Variants in RGS9 observed in about 807,000 individuals in gnomAD.
The protein encoded by RGS9 is regulator of G-protein signalling 9.
A neutral mutation model predicts 102.0 loss-of-function variants in RGS9; 78 were observed. The observed-to-expected ratio is 0.76, with a 90% CI of 0.64 to 0.92. The LOEUF (loss-of-function observed/expected upper bound fraction) is 0.92, where lower values mean the gene tolerates loss of function less well. RGS9 is among the 40% of genes least tolerant of loss of function. The pLI, the probability that RGS9 is intolerant of heterozygous loss-of-function variation, is 0.00. For missense variants in RGS9, 833 were observed against 866.1 expected (o/e 0.96, Z 0.48); for synonymous variants, 353 against 318.6 (o/e 1.11, Z -1.15).
intron 2 of RGS9, among the ~76,000 whole-genome samples, chr17:65,156,030 A>T (rs1910755516): frequency 6.7e-6 from 1 of 150,230 alleles, no homozygotes; most frequent in Non-Finnish European, 1.5e-5. Flanking sequence ...ATTTTTACTT[A>T]TACTTTTTTT....
At chr17:65,174,575 G>A (rs1911549686) in intron 8 of RGS9, among the ~76,000 whole-genome samples, 1 of 151,634 alleles carries the variant, frequency 6.6e-6, no homozygotes, top group Non-Finnish European at 1.5e-5. Context: ...GTGAGTGTGA[G>A]TGTGCATATG....
At chr17:65,165,314 C>T (rs1376069990) in intron 7 of RGS9, among the ~76,000 whole-genome samples, 1 of 152,220 alleles carries the variant, frequency 6.6e-6, no homozygotes, top group Non-Finnish European at 1.5e-5. Context: ...ACATTCCCCT[C>T]TTTCATTCTT....
Position 65,170,451 on chromosome 17 carries a change from T to C in RGS9, c.582+2170T>C, listed in dbSNP as rs542608957. ...GCAAGTGAAAGCTCAAGGATGCTGC[T>C]AATTTGCCCAAAGTTACACAGCTAG... On this transcript the variant is annotated intron_variant, in intron 8 of 18. Coordinates refer to ENST00000262406, the MANE Select transcript of RGS9 (RefSeq NM_003835.4). Among the ~76,000 whole-genome samples, 49 of 152,324 alleles carry C rather than the reference T, an allele frequency of 3.2e-4. 1 individual carries two copies. In the South Asian group the frequency reaches 9.7e-3, roughly 30 times the overall value.
Position 65,153,441 on chromosome 17 carries a change from A to G in RGS9, c.77A>G (p.Asp26Gly). The change falls in exon 2 of 19, where the codon GAC (aspartate) becomes GGC (glycine). Residue 26 changes from aspartate (D) to glycine (G), a missense_variant. This residue lies in a region of RGS9 where 328 missense variants were observed against 340.6 expected (regional missense o/e 0.96). Coordinates refer to ENST00000262406, the MANE Select transcript of RGS9 (RefSeq NM_003835.4). ...TTGCAGATTGAAGCGCTCGTGAAGG[A>G]CATGCAGAACCCAGAGACAGGGGTC... Reference protein sequence around the residue: ...FLQKIEALVKDMQNPETGVRM... With the variant: ...FLQKIEALVKGMQNPETGVRM... 6.2e-7 allele frequency: 1 copy of G among 1,614,104 alleles called. No individual in the cohort carries two copies. The highest frequency in any genetic ancestry group is 8.5e-7 in the Non-Finnish European group (1 of 1,179,968).
intron 1 of RGS9, among the ~76,000 whole-genome samples, chr17:65,140,927 G>C (rs1910133276): frequency 6.6e-6 from 1 of 151,904 alleles, no homozygotes; most frequent in Non-Finnish European, 1.5e-5. Flanking sequence ...AGAGGAATGG[G>C]TGGAATGCCT....
intron 1 of RGS9, among the ~76,000 whole-genome samples, chr17:65,139,533 CACTT>C (rs111576160): frequency 0.067 from 10,123 of 152,130 alleles, 1,042 homozygotes; most frequent in African/African-American, 0.22. Flanking sequence ...CTGCCTCAAA[CACTT>C]CCTTCCTTTT....
At chr17:65,144,344 G>A (rs1042856978) in intron 1 of RGS9, among the ~76,000 whole-genome samples, 1 of 152,190 alleles carries the variant, frequency 6.6e-6, no homozygotes, top group Non-Finnish European at 1.5e-5. Context: ...GTGAGGAGCA[G>A]CGTGGGCGTG....
chr17:65,210,219 C>T (rs935564664), intron 16 of RGS9, among the ~76,000 whole-genome samples: 1 of 152,212 alleles, frequency 6.6e-6, no homozygotes, highest in Non-Finnish European at 1.5e-5. Context: ...TTTCTACATA[C>T]TGTAGAAGTT....
At chr17:65,177,324 GCCATCCATCCAT>G (rs1247412110) in intron 8 of RGS9, among the ~76,000 whole-genome samples, 1 of 129,684 alleles carries the variant, frequency 7.7e-6, no homozygotes, top group Non-Finnish European at 1.7e-5. Context: ...CATCTGTCTG[GCCATCCATCCAT>G]CCATCCATCC....
intron 8 of RGS9, among the ~76,000 whole-genome samples, chr17:65,172,182 G>A (rs1911444722): frequency 1.3e-5 from 2 of 152,150 alleles, no homozygotes; most frequent in South Asian, 2.1e-4. Context: ...CTAGGAAAAT[G>A]ATCTGACATA....
rs1353884833 is a variant in RGS9, at chr17:65,223,632, C to G, written c.1408-1370C>G. Among the ~76,000 whole-genome samples, 3 of 152,220 alleles carry G rather than the reference C, an allele frequency of 2.0e-5. No individual in the cohort carries two copies. The East Asian group carries it at 5.8e-4, about 29-fold the overall frequency. ...GCCCAGATCCCGGGGTCAGCCAGCT[C>G]TCACTGAGCAGGGCAACTATGTGGC... On this transcript the variant is annotated intron_variant, in intron 17 of 18. Transcript: ENST00000262406.
chr17:65,142,788 G>A (rs1171179452), intron 1 of RGS9, among the ~76,000 whole-genome samples: 1 of 151,900 alleles, frequency 6.6e-6, no homozygotes, highest in East Asian at 1.9e-4. Flanking sequence ...TCACCATGTT[G>A]GTCAGGCTGG....
chr17:65,221,442 G>A (rs1015817017), intron 17 of RGS9, among the ~76,000 whole-genome samples: 6 of 152,234 alleles, frequency 3.9e-5, no homozygotes, highest in Admixed American at 2.6e-4. Flanking sequence ...TGACAAAGCC[G>A]AGTTCCTAGT....
At chr17:65,144,114 T>C (rs1910264264) in intron 1 of RGS9, among the ~76,000 whole-genome samples, 1 of 152,094 alleles carries the variant, frequency 6.6e-6, no homozygotes, top group Non-Finnish European at 1.5e-5. Flanking sequence ...CTGCGAGACA[T>C]CGGGTGAGAC....
At chr17:65,187,182 G>A (rs1356969939) in intron 9 of RGS9, among the ~76,000 whole-genome samples, 1 of 152,170 alleles carries the variant, frequency 6.6e-6, no homozygotes, top group African/African-American at 2.4e-5. Context: ...GCATGCTGAA[G>A]TCATCATTTA....
intron 13 of RGS9, among the ~76,000 whole-genome samples, chr17:65,200,192 C>T (rs552866329): frequency 6.6e-5 from 10 of 152,146 alleles, no homozygotes; most frequent in Admixed American, 2.6e-4. Flanking sequence ...CCACCACGGC[C>T]GGCTAATTTT....
At position 65,155,753 on chromosome 17, in the gene RGS9, C is replaced by A. The variant is rs186903989; in HGVS notation, c.154+2235C>A. On this transcript the variant is annotated intron_variant, in intron 2 of 18. Coordinates refer to ENST00000262406, the MANE Select transcript of RGS9 (RefSeq NM_003835.4). ...GAATGGCAATCCCTCCCTAAGGGAACGAGTGCAGGAAGGAAGTGAGAGAGT... is the reference window on the plus strand; with the variant it reads ...GAATGGCAATCCCTCCCTAAGGGAAAGAGTGCAGGAAGGAAGTGAGAGAGT... 2.0e-5 allele frequency among the ~76,000 whole-genome samples: 3 copies of A among 152,206 alleles called. No homozygotes were observed. The East Asian group carries it at 5.8e-4, about 29-fold the overall frequency.
At chr17:65,193,242 G>A (rs541933503) in intron 11 of RGS9, among the ~76,000 whole-genome samples, 1 of 142,862 alleles carries the variant, frequency 7.0e-6, no homozygotes, top group South Asian at 2.2e-4. Context: ...CTGCACTCCA[G>A]CTTGGCTGTC....
chr17:65,215,853 G>A (rs1385435935), intron 17 of RGS9, among the ~76,000 whole-genome samples: 2 of 152,068 alleles, frequency 1.3e-5, no homozygotes, highest in African/African-American at 2.4e-5. Flanking sequence ...GAGCCACTGC[G>A]CCTGGCCTTG....
Sources: allele counts gnomAD v4.1 joint callset (sites outside exome capture counted in the v4.1 genomes callset), GRCh38; gene constraint gnomAD v4.1.1; regional missense constraint gnomAD v4.1.1; transcripts MANE v1.5; gene names NCBI Gene and HGNC (gene_info 2026-07-23, HGNC 2026-07-21).